Variants in TLN2 observed in about 807,000 individuals in gnomAD.
TLN2 encodes talin-2.
TLN2 carries 118 observed loss-of-function variants against 294.7 expected under a neutral mutation model. That is an observed-to-expected ratio of 0.40 (90% CI 0.34 to 0.47). The LOEUF (loss-of-function observed/expected upper bound fraction) is 0.47. Ranked by LOEUF, TLN2 falls within the 20% of genes least tolerant of loss-of-function variation. TLN2 has a pLI of 0.84. For missense variants in TLN2, 3,083 were observed against 3,282.2 expected, an observed-to-expected ratio of 0.94 and a Z score of 1.48; for synonymous variants, 1,431 against 1,304.5, an observed-to-expected ratio of 1.10 and a Z score of -2.09.
intron 15 of TLN2, 99 bp downstream of exon 15, chr15:62,697,967 T>A (rs2058466739): frequency 1.4e-6 from 2 of 1,415,192 alleles, no homozygotes; most frequent in Non-Finnish European, 1.9e-6. Flanking sequence ...TGGAACGCTC[T>A]CTATTTCCCG....
At chr15:62,617,531 C>G (rs759241238) in intron 2 of TLN2, among the ~76,000 whole-genome samples, 1 of 152,186 alleles carries the variant, frequency 6.6e-6, no homozygotes, top group Admixed American at 6.5e-5. Flanking sequence ...GGTACACTGG[C>G]CACTGTCACC....
At chr15:62,430,314 A>G (rs2034945880) in intron 1 of TLN2, among the ~76,000 whole-genome samples, 1 of 152,226 alleles carries the variant, frequency 6.6e-6, no homozygotes, top group Non-Finnish European at 1.5e-5. Context: ...GAAATAGTGT[A>G]TCTGTCTTAT....
chr15:62,507,381 C>T (rs374471598), intron 1 of TLN2, among the ~76,000 whole-genome samples: 6 of 152,284 alleles, frequency 3.9e-5, no homozygotes, highest in African/African-American at 1.4e-4. Flanking sequence ...GCTTGAGTTG[C>T]CCACCTCCCG....
Position 62,692,955 on chromosome 15 carries a change from A to C in TLN2, c.1215+14A>C. On this transcript the variant is annotated intron_variant, in intron 13 of 58. Transcript: ENST00000636159. Reference sequence around the variant, plus strand: ...ATCCTGAAAAAGGTATTTTGTATTGATGCAAATTGGAAAAGCAAGACGGCT... The same window carrying C: ...ATCCTGAAAAAGGTATTTTGTATTGCTGCAAATTGGAAAAGCAAGACGGCT... The C allele has an allele frequency of 1.9e-6, 3 of 1,597,304 alleles. No individual in the cohort carries two copies. The highest frequency in any genetic ancestry group is 2.6e-6 in the Non-Finnish European group (3 of 1,173,134).
chr15:62,488,615 C>G (rs1170187818), intron 1 of TLN2, among the ~76,000 whole-genome samples: 1 of 152,314 alleles, frequency 6.6e-6, no homozygotes, highest in East Asian at 1.9e-4. Context: ...TAAAACAAAA[C>G]TTGGATGAGA....
chr15:62,470,274 C>G (rs1032024740), intron 1 of TLN2, among the ~76,000 whole-genome samples: 2 of 152,188 alleles, frequency 1.3e-5, no homozygotes, highest in Non-Finnish European at 2.9e-5. Context: ...AGAGGTAGCT[C>G]TTTGATGTTT....
intron 3 of TLN2, chr15:62,638,433 C>G: frequency 7.0e-6 from 3 of 425,620 alleles, no homozygotes; most frequent in Admixed American, 2.8e-5. Flanking sequence ...TGATGGAATT[C>G]CAGGTGCCAG....
chr15:62,648,941 G>A (rs112608329), intron 4 of TLN2, among the ~76,000 whole-genome samples: 4,951 of 152,068 alleles, frequency 0.033, 280 homozygotes, highest in African/African-American at 0.11. Flanking sequence ...AACCTTCCAG[G>A]CTCAAGTGAT....
intron 37 of TLN2, among the ~76,000 whole-genome samples, chr15:62,756,933 A>G (rs771005891): frequency 2.6e-5 from 4 of 152,064 alleles, no homozygotes; most frequent in Non-Finnish European, 4.4e-5. Flanking sequence ...ACCCCTCCCT[A>G]TTTGAAGGCA....
At chr15:62,599,812 C>T (rs112574950) in intron 2 of TLN2, among the ~76,000 whole-genome samples, 3 of 152,082 alleles carry the variant, frequency 2.0e-5, no homozygotes, top group Admixed American at 6.5e-5. Flanking sequence ...GCTGTGTGAA[C>T]GTGGGAGTGA....
intron 9 of TLN2, among the ~76,000 whole-genome samples, chr15:62,660,889 C>G (rs892673353): frequency 3.9e-5 from 6 of 152,160 alleles, no homozygotes; most frequent in African/African-American, 7.2e-5. Context: ...AAACTTGGCT[C>G]TGATCATCTC....
intron 1 of TLN2, among the ~76,000 whole-genome samples, chr15:62,399,558 G>A (rs2032860064): frequency 6.6e-6 from 1 of 152,222 alleles, no homozygotes; most frequent in African/African-American, 2.4e-5. Context: ...GGTGTACACT[G>A]CAAAGCCACA....
intron 1 of TLN2, among the ~76,000 whole-genome samples, chr15:62,542,296 A>G (rs1596066720): frequency 6.6e-6 from 1 of 152,018 alleles, no homozygotes; most frequent in Non-Finnish European, 1.5e-5. Context: ...GGTTCACGCC[A>G]TTCTCCTGCC....
chr15:62,503,152 T>C lies in TLN2; in HGVS notation c.-237-86535T>C, dbSNP rs555291357. ...CCCTTTATAGCCATTAAAATATATGTACATCTATTATTCTTTATTATAAAA... is the reference window on the plus strand; with the variant it reads ...CCCTTTATAGCCATTAAAATATATGCACATCTATTATTCTTTATTATAAAA... On this transcript the variant is annotated intron_variant, in intron 1 of 58. Coordinates refer to ENST00000636159, the MANE Select transcript of TLN2 (RefSeq NM_015059.3). Among the ~76,000 whole-genome samples, 27 of 152,360 alleles carry C rather than the reference T, an allele frequency of 1.8e-4. No homozygotes were observed. The South Asian group carries it at 5.2e-3, about 29-fold the overall frequency.
chr15:62,494,256 ACC>A (rs1567028058), intron 1 of TLN2, among the ~76,000 whole-genome samples: 1 of 150,714 alleles, frequency 6.6e-6, no homozygotes, highest in Non-Finnish European at 1.5e-5. Context: ...AGGGCAGTGG[ACC>A]CTTGACAAAA....
At chr15:62,743,275 C>G (rs1185115244) in intron 32 of TLN2, among the ~76,000 whole-genome samples, 1 of 151,978 alleles carries the variant, frequency 6.6e-6, no homozygotes, top group Non-Finnish European at 1.5e-5. Flanking sequence ...CTCAAAGTCC[C>G]CAGAAATGCC....
chr15:62,405,525 T>C (rs1303171130), intron 1 of TLN2, among the ~76,000 whole-genome samples: 1 of 152,244 alleles, frequency 6.6e-6, no homozygotes, highest in Non-Finnish European at 1.5e-5. Context: ...CTTTTTATTT[T>C]CTTTGGGGTA....
In TLN2 at chr15:62,477,153, C is replaced by G. The variant is rs969667131; in HGVS notation, c.-238+86468C>G. On this transcript the variant is annotated intron_variant, in intron 1 of 58. Coordinates refer to ENST00000636159, the MANE Select transcript of TLN2 (RefSeq NM_015059.3). ...GTAAAAGCCTAAGTAAACTGTCATG[C>G]TATTTGGGCAGAGTGCTTTGTTCTA... Among the ~76,000 whole-genome samples, 4 of 152,176 alleles carry G rather than the reference C, an allele frequency of 2.6e-5. No homozygotes were observed. The South Asian group carries it at 8.3e-4, about 32-fold the overall frequency.
intron 3 of TLN2, among the ~76,000 whole-genome samples, chr15:62,633,986 C>A (rs1228987561): frequency 6.6e-6 from 1 of 152,126 alleles, no homozygotes; most frequent in Non-Finnish European, 1.5e-5. Flanking sequence ...GTATCTGTGT[C>A]CAAATTTCTC....
Sources: allele counts gnomAD v4.1 joint callset (sites outside exome capture counted in the v4.1 genomes callset), GRCh38; gene constraint gnomAD v4.1.1; transcripts MANE v1.5; gene names NCBI Gene and HGNC (gene_info 2026-07-23, HGNC 2026-07-21).